OR52N4: variants seen among roughly 807,000 people sequenced by gnomAD.
OR52N4 encodes the protein olfactory receptor family 52 subfamily N member 4.
Under a neutral mutation model 15.0 loss-of-function variants are expected in OR52N4, and 15 were observed. The observed-to-expected ratio is 1.00, with a 90% confidence interval of 0.67 to 1.54. OR52N4 has a LOEUF of 1.54. Among genes scored for constraint, OR52N4 ranks in the 40% most tolerant of loss-of-function variants. The pLI, the probability that OR52N4 is intolerant of heterozygous loss-of-function variation, is 0.00. For missense variants in OR52N4, 421 were observed against 394.0 expected, an observed-to-expected ratio of 1.07 and a Z score of -0.58; for synonymous variants, 143 against 143.7, an observed-to-expected ratio of 1.00 and a Z score of 0.03.
At chr11:5,733,694 A>G in the OR52N4 span, among the ~76,000 whole-genome samples, 6 of 152,176 alleles carry the variant, frequency 3.9e-5, no homozygotes, top group African/African-American at 7.2e-5. Context: ...TGTTCTATTG[A>G]TCACTTTATG....
upstream of OR52N4, among the ~76,000 whole-genome samples, chr11:5,752,892 C>T (rs1854219523): frequency 6.6e-6 from 1 of 152,068 alleles, no homozygotes; most frequent in Non-Finnish European, 1.5e-5. Context: ...TTAAAGATCA[C>T]AAGATGTTAC....
chr11:5,754,938 C>A lies in OR52N4; in HGVS notation c.198C>A (p.Ala66=), dbSNP rs1445067729. ...ACAAACCCATGTACTACTTCTTGGCCATGCTTTCCTTTACTGACCTTGTTA... is the reference window on the plus strand; with the variant it reads ...ACAAACCCATGTACTACTTCTTGGCAATGCTTTCCTTTACTGACCTTGTTA... ...ALHKPMYYFL[A]MLSFTDLVMC... is the part of the protein sequence containing the mutation. The change falls in exon 2 of 2, where the codon GCC becomes GCA. Residue 66 remains alanine, a synonymous_variant. Transcript: ENST00000641350. 6.2e-7 allele frequency: 1 copy of A among 1,613,708 alleles called. No homozygotes were observed. The highest frequency in any genetic ancestry group is 1.3e-5 in the African/African-American group (1 of 74,900).
At chr11:5,729,114 A>ATT in the OR52N4 span, among the ~76,000 whole-genome samples, 264 of 82,876 alleles carry the variant, frequency 3.2e-3, 16 homozygotes, top group African/African-American at 7.6e-3. Context: ...TTAAATTGAG[A>ATT]TTTTTTTTTT....
the OR52N4 span, among the ~76,000 whole-genome samples, chr11:5,733,495 A>G: frequency 6.6e-6 from 1 of 152,030 alleles, no homozygotes; most frequent in African/African-American, 2.4e-5. Context: ...CAGAACAAAC[A>G]TTTTTTCAGG....
At chr11:5,753,988 CAAAAAAAA>C (rs60504408), upstream of OR52N4, among the ~76,000 whole-genome samples, 2 of 79,666 alleles carry the variant, frequency 2.5e-5, no homozygotes, top group Non-Finnish European at 4.8e-5. Flanking sequence ...GACTCTGCCT[CAAAAAAAA>C]AAAAAAAAAA....
rs12363178 is a variant in OR52N4, at chr11:5,755,365, T to G, written c.625T>G (p.Trp209Gly). The change falls in exon 2 of 2, where the codon TGG becomes GGG. Residue 209 changes from tryptophan to glycine, a missense_variant. Physicochemically the swap from Trp to Gly is radical, Grantham distance 184 (BLOSUM62 -2). Coordinates refer to ENST00000641350, the MANE Select transcript of OR52N4 (RefSeq NM_001005175.5). The part of the protein sequence containing the change: ...IYGLMVALLI[W>G]GFDILCITNS... ...TGGTCTGATGGTTGCCCTCCTGATT[T>G]GGGGCTTTGACATACTGTGTATCAC... The G allele has an allele frequency of 0.18, 291,291 of 1,613,876 alleles. 27,032 individuals are homozygous for G. The highest frequency in any genetic ancestry group is 0.23 in the South Asian group (20,790 of 91,078).
chr11:5,748,716 A>G, the OR52N4 span, among the ~76,000 whole-genome samples: 1 of 152,054 alleles, frequency 6.6e-6, no homozygotes, highest in Non-Finnish European at 1.5e-5. Context: ...GGATTAGTTT[A>G]TGAATGAACA....
At chr11:5,732,747 G>A in the OR52N4 span, among the ~76,000 whole-genome samples, 1 of 152,138 alleles carries the variant, frequency 6.6e-6, no homozygotes, top group African/African-American at 2.4e-5. Context: ...TAAAATACTA[G>A]TCACTCCAGT....
At chr11:5,740,074 T>TC in the OR52N4 span, among the ~76,000 whole-genome samples, 2 of 127,358 alleles carry the variant, frequency 1.6e-5, no homozygotes, top group Non-Finnish European at 3.5e-5. Flanking sequence ...TTTCACATTT[T>TC]CCCCCCAATA....
chr11:5,739,175 G>A, the OR52N4 span, among the ~76,000 whole-genome samples: 5 of 124,194 alleles, frequency 4.0e-5, 2 homozygotes, highest in Non-Finnish European at 8.8e-5. Context: ...TAACAATATA[G>A]TTGAGAACAT....
At chr11:5,750,610 T>C (rs1854170482), upstream of OR52N4, among the ~76,000 whole-genome samples, 1 of 151,998 alleles carries the variant, frequency 6.6e-6, no homozygotes, top group Non-Finnish European at 1.5e-5. Context: ...CCACTGTCAC[T>C]GTCAGTTATT....
At chr11:5,735,791 T>C in the OR52N4 span, among the ~76,000 whole-genome samples, 1 of 152,140 alleles carries the variant, frequency 6.6e-6, no homozygotes, top group Non-Finnish European at 1.5e-5. Flanking sequence ...ATAATTCTTG[T>C]TTGTTAAATA....
the OR52N4 span, among the ~76,000 whole-genome samples, chr11:5,728,852 T>C: frequency 5.9e-5 from 9 of 152,222 alleles, no homozygotes; most frequent in African/African-American, 9.6e-5. Context: ...AGTACTAGTA[T>C]ATGGGCTGTC....
chr11:5,747,926 T>A, the OR52N4 span, among the ~76,000 whole-genome samples: 2 of 152,102 alleles, frequency 1.3e-5, no homozygotes, highest in Admixed American at 1.3e-4. Context: ...ATAACTATTG[T>A]CATGAATAAA....
the OR52N4 span, among the ~76,000 whole-genome samples, chr11:5,744,843 C>T: frequency 1.3e-5 from 2 of 152,170 alleles, no homozygotes; most frequent in South Asian, 4.1e-4. Flanking sequence ...ATCTCTTGAA[C>T]CTGGGAGGCA....
the OR52N4 span, among the ~76,000 whole-genome samples, chr11:5,728,867 G>T: frequency 6.6e-6 from 1 of 152,022 alleles, no homozygotes; most frequent in Non-Finnish European, 1.5e-5. Flanking sequence ...GCTGTCACTG[G>T]TTTTAATTTT....
At chr11:5,737,725 T>C in the OR52N4 span, 1 of 408,052 alleles carries the variant, frequency 2.5e-6, no homozygotes, top group Admixed American at 4.0e-5. Context: ...CAAATCAAAT[T>C]GGATTTAAAG....
chr11:5,726,679 G>A, the OR52N4 span: 2 of 152,574 alleles, frequency 1.3e-5, no homozygotes, highest in Admixed American at 1.3e-4. Flanking sequence ...TCTTGCACAA[G>A]CCTGTGTACC....
At chr11:5,743,451 G>A in the OR52N4 span, among the ~76,000 whole-genome samples, 1 of 152,158 alleles carries the variant, frequency 6.6e-6, no homozygotes, top group African/African-American at 2.4e-5. Context: ...GTATATTTCT[G>A]TTGGCACATG....
Sources: allele counts gnomAD v4.1 joint callset (sites outside exome capture counted in the v4.1 genomes callset), GRCh38; gene constraint gnomAD v4.1.1; transcripts MANE v1.5; gene names NCBI Gene and HGNC (gene_info 2026-07-23, HGNC 2026-07-21).